The following TMPRSS15 variants were observed in gnomAD, a reference collection of about 807,000 sequenced individuals.
The protein encoded by TMPRSS15 is transmembrane serine protease 15, also known as enteropeptidase.
A neutral mutation model predicts 125.3 loss-of-function variants in TMPRSS15; 128 were observed. The ratio of observed to expected loss-of-function variants is 1.02; its 90% CI spans 0.89 to 1.18. TMPRSS15 has a LOEUF of 1.18. Among genes scored for constraint, TMPRSS15 ranks in the 50% most tolerant of loss-of-function variants. TMPRSS15 has a pLI of 0.00. For synonymous variants in TMPRSS15, 446 were observed against 423.2 expected (o/e 1.05, Z -0.66); for missense variants, 1,283 against 1,212.7 (o/e 1.06, Z -0.86).
chr21:18,485,116 G>T (rs1229697631), intron 1 of TMPRSS15, among the ~76,000 whole-genome samples: 1 of 151,510 alleles, frequency 6.6e-6, no homozygotes, highest in Non-Finnish European at 1.5e-5. Context: ...GGTGTTTGTT[G>T]CTATTATAAA....
intron 24 of TMPRSS15, among the ~76,000 whole-genome samples, chr21:18,270,641 C>T (rs2074544046): frequency 6.6e-6 from 1 of 152,120 alleles, no homozygotes; most frequent in Non-Finnish European, 1.5e-5. Flanking sequence ...ATTTGAAAAA[C>T]ATTTCAACTG....
chr21:18,316,862 A>G (rs558903347), intron 16 of TMPRSS15, among the ~76,000 whole-genome samples: 1 of 152,216 alleles, frequency 6.6e-6, no homozygotes, highest in East Asian at 1.9e-4. Flanking sequence ...CTTAGGAGGT[A>G]CAGTTATGTG....
Position 18,326,447 on chromosome 21 carries a change from G to T in TMPRSS15, c.1906C>A (p.His636Asn). 6.2e-7 allele frequency: 1 copy of T among 1,614,124 alleles called. No homozygotes were observed. The highest frequency in any genetic ancestry group is 8.5e-7 in the Non-Finnish European group (1 of 1,179,968). ...GGGCTCCTACCTGGAATCCCCAAGT[G>T]ATAGCCAGTAGTAAAGTTTGCTTTA... ...GFKANFTTGY[H>N]LGIPEPCKAD... The change falls in exon 16 of 25, where the codon CAC (histidine) becomes AAC (asparagine). Residue 636 changes from histidine to asparagine, a missense_variant. Transcript: ENST00000284885.
At chr21:18,292,099 A>G (rs2074844100) in intron 21 of TMPRSS15, among the ~76,000 whole-genome samples, 1 of 152,202 alleles carries the variant, frequency 6.6e-6, no homozygotes, top group Non-Finnish European at 1.5e-5. Context: ...ACCCATAACA[A>G]TATATGCTTT....
chr21:18,481,577 C>T (rs1284529308), intron 1 of TMPRSS15, among the ~76,000 whole-genome samples: 1 of 151,578 alleles, frequency 6.6e-6, no homozygotes, highest in Non-Finnish European at 1.5e-5. Flanking sequence ...AAAATAAAAC[C>T]TACAGAAGAC....
chr21:18,389,816 C>CATCAG (rs904719869), intron 3 of TMPRSS15, among the ~76,000 whole-genome samples: 3 of 152,114 alleles, frequency 2.0e-5, no homozygotes, highest in African/African-American at 7.2e-5. Context: ...GATGTCAGAA[C>CATCAG]TTTTGTGATG....
chr21:18,352,217 C>G (rs1017370231), intron 10 of TMPRSS15, among the ~76,000 whole-genome samples: 10 of 151,888 alleles, frequency 6.6e-5, no homozygotes, highest in African/African-American at 2.4e-4. Context: ...AATATTTCAC[C>G]ACGATTTCTG....
chr21:18,447,451 A>AAAAG (rs1387299880), intron 1 of TMPRSS15, among the ~76,000 whole-genome samples: 1 of 151,352 alleles, frequency 6.6e-6, no homozygotes, highest in Non-Finnish European at 1.5e-5. Context: ...AAAAAAAAAA[A>AAAAG]AAAAAAAGAC....
At chr21:18,413,683 C>T (rs910022469) in intron 1 of TMPRSS15, among the ~76,000 whole-genome samples, 1 of 151,464 alleles carries the variant, frequency 6.6e-6, no homozygotes, top group African/African-American at 2.4e-5. Flanking sequence ...CTGCTTTGGC[C>T]TCCCAAAGTG....
chr21:18,457,290 G>A (rs975917243), intron 1 of TMPRSS15, among the ~76,000 whole-genome samples: 1 of 152,104 alleles, frequency 6.6e-6, no homozygotes, highest in Non-Finnish European at 1.5e-5. Flanking sequence ...AATGGTGTCA[G>A]TCTTAAAATA....
At chr21:18,338,298 T>C (rs1283210935) in intron 13 of TMPRSS15, among the ~76,000 whole-genome samples, 1 of 152,134 alleles carries the variant, frequency 6.6e-6, no homozygotes, top group African/African-American at 2.4e-5. Flanking sequence ...TTTTCTTCTT[T>C]ATTATTTATG....
Position 18,281,132 on chromosome 21 carries a change from A to AT in TMPRSS15, c.2575dup (p.Ile859AsnfsTer3). On this transcript the variant is annotated frameshift_variant, in exon 22 of 25. Coordinates refer to ENST00000284885, the MANE Select transcript of TMPRSS15 (RefSeq NM_002772.3). LOFTEE classifies it high-confidence loss of function. The stretch of plus-strand genomic sequence containing the variant: ...ATGAGGGTTTATGACAATTTCATCT[A>AT]TTAATCGAGGGACTGTTTGAGGAGA... 6.2e-7 allele frequency: 1 copy of AT among 1,613,920 alleles called. No individual in the cohort carries two copies. Among genetic ancestry groups the AT allele is most frequent in the East Asian group, 2.2e-5 (1 of 44,832 alleles).
chr21:18,390,903 G>T (rs1227660067), intron 3 of TMPRSS15, among the ~76,000 whole-genome samples: 4 of 152,312 alleles, frequency 2.6e-5, no homozygotes, highest in African/African-American at 9.6e-5. Context: ...TTACAATCAG[G>T]TTGGAAGCCT....
intron 1 of TMPRSS15, among the ~76,000 whole-genome samples, chr21:18,442,890 A>G (rs928597820): frequency 1.3e-5 from 2 of 152,214 alleles, no homozygotes; most frequent in Non-Finnish European, 2.9e-5. Flanking sequence ...GCCTGAAAAA[A>G]TCAGTTCGGG....
intron 21 of TMPRSS15, among the ~76,000 whole-genome samples, chr21:18,293,631 T>C (rs2074864705): frequency 6.6e-6 from 1 of 152,152 alleles, no homozygotes; most frequent in African/African-American, 2.4e-5. Flanking sequence ...CCCCCTTCCA[T>C]CCACTCTGTT....
intron 18 of TMPRSS15, among the ~76,000 whole-genome samples, chr21:18,299,577 T>C (rs534329552): frequency 6.6e-6 from 1 of 152,352 alleles, no homozygotes; most frequent in East Asian, 1.9e-4. Flanking sequence ...TAAAGTTGGT[T>C]GGTTGGGAGA....
chr21:18,305,622 T>C (rs1042804544), intron 18 of TMPRSS15, among the ~76,000 whole-genome samples: 2 of 152,202 alleles, frequency 1.3e-5, no homozygotes, highest in Admixed American at 6.5e-5. Flanking sequence ...GTGATTCTTA[T>C]GTATAACCAG....
At chr21:18,279,151 C>A in intron 22 of TMPRSS15, 92 bp from the exon 23 acceptor site, 1 of 718,872 alleles carries the variant, frequency 1.4e-6, no homozygotes, top group Non-Finnish European at 2.4e-6. Context: ...AAATCAATAA[C>A]AGTTAATCTA....
Position 18,425,176 on chromosome 21 carries a change from C to T in TMPRSS15, c.11-26847G>A, listed in dbSNP as rs114060059. ...CAACACCAAAATGTCTTCCAGAAAA[C>T]TCTGGTAGAGTAGTTGCATGCCAAC... is the stretch of plus-strand genomic sequence containing the variant. On this transcript the variant is annotated intron_variant, in intron 1 of 7. Coordinates refer to the TMPRSS15 transcript ENST00000422787. Among the ~76,000 whole-genome samples, 1,092 of 151,944 alleles carry T rather than the reference C, an allele frequency of 7.2e-3. 17 individuals are homozygous for T. Among genetic ancestry groups the T allele is most frequent in the African/African-American group, 0.025 (1,021 of 41,530 alleles).
Sources: gnomAD v4.1 joint callset for allele counts (sites outside exome capture counted in the v4.1 genomes callset) on GRCh38, gnomAD v4.1.1 for gene constraint, MANE v1.5 for transcripts, NCBI Gene and HGNC (gene_info 2026-07-23, HGNC 2026-07-21) for gene names.